Variants in SPATA13 observed in about 807,000 individuals in gnomAD.
SPATA13 encodes the protein spermatogenesis associated 13, also known as spermatogenesis-associated protein 13.
Under a neutral mutation model 104.0 loss-of-function variants are expected in SPATA13, and 50 were observed. The ratio of observed to expected loss-of-function variants is 0.48; its 90% CI spans 0.38 to 0.61. SPATA13 has a LOEUF of 0.61. Ranked by LOEUF, SPATA13 falls within the 20% of genes least tolerant of loss-of-function variation. The pLI is 0.00. For missense variants in SPATA13, 1,524 were observed against 1,690.6 expected (o/e 0.90, Z 1.73); for synonymous variants, 606 against 667.5 (o/e 0.91, Z 1.42).
intron 3 of SPATA13, among the ~76,000 whole-genome samples, chr13:24,071,469 A>G (rs191531940): frequency 6.6e-6 from 1 of 152,120 alleles, no homozygotes; most frequent in Non-Finnish European, 1.5e-5. Context: ...AGTGGGTCTG[A>G]TTGTAATTTA....
intron 1 of SPATA13, among the ~76,000 whole-genome samples, chr13:24,176,662 A>G (rs1868452734): frequency 6.6e-6 from 1 of 152,160 alleles, no homozygotes; most frequent in Non-Finnish European, 1.5e-5. Flanking sequence ...TGTTTCATTG[A>G]ATTTACTGTG....
chr13:24,110,659 G>A (rs1020362897), intron 3 of SPATA13, among the ~76,000 whole-genome samples: 2 of 152,166 alleles, frequency 1.3e-5, no homozygotes, highest in Admixed American at 6.5e-5. Context: ...TAGATCCTGC[G>A]GACACAGAAA....
intron 1 of SPATA13, among the ~76,000 whole-genome samples, chr13:24,164,675 G>GTGGC (rs988719080): frequency 2.0e-5 from 3 of 152,212 alleles, no homozygotes; most frequent in African/African-American, 7.2e-5. Flanking sequence ...CCCATAGTAA[G>GTGGC]TGGCAAGACT....
rs1477375899 is a variant in SPATA13, at chr13:24,224,385, A to C, written c.1456A>C (p.Ser486Arg). 1 of 1,551,564 alleles carries C rather than the reference A, an allele frequency of 6.4e-7. No individual in the cohort carries two copies. Among genetic ancestry groups the C allele is most frequent in the Admixed American group, 2.0e-5 (1 of 50,984 alleles). ...SPQSPGAGSA[S>R]CHSNHSALSA... ...CCAGAGCCCCGGGGCAGGAAGTGCC[A>C]GCTGTCACAGCAATCACAGTGCCCT... is the stretch of plus-strand genomic sequence containing the variant. Residue 486 changes from serine (S) to arginine (R), a missense_variant, in exon 2 of 13, where the codon AGC (serine) becomes CGC (arginine). By Grantham distance (110) the Ser-to-Arg change is moderately radical (BLOSUM62 -1). Coordinates refer to ENST00000382108, the MANE Select transcript of SPATA13 (RefSeq NM_001166271.3).
chr13:24,174,467 A>G (rs1883135358), intron 1 of SPATA13, among the ~76,000 whole-genome samples: 1 of 151,926 alleles, frequency 6.6e-6, no homozygotes, highest in Non-Finnish European at 1.5e-5. Context: ...ATTTCGTGCT[A>G]TCAGTTTCCC....
Position 24,289,019 on chromosome 13 carries a change from C to T in SPATA13, c.2688C>T (p.Arg896=). Residue 896 remains arginine (R), a synonymous_variant, in exon 8 of 13, where the codon CGC becomes CGT. Transcript: ENST00000382108. The part of the protein sequence containing the change: ...DICEGYIRQC[R]KHTGMFTVAQ... The stretch of plus-strand genomic sequence containing the variant: ...TGCAGGGCTATATCCGACAGTGCCG[C>T]AAGCACACAGGAATGTTCACCGTTG... 2 of 1,609,610 alleles carry T rather than the reference C, an allele frequency of 1.2e-6. No individual in the cohort carries two copies. Among genetic ancestry groups the T allele is most frequent in the Non-Finnish European group, 1.7e-6 (2 of 1,178,786 alleles).
intron 2 of SPATA13, among the ~76,000 whole-genome samples, chr13:23,994,664 G>T (rs1875590947): frequency 6.6e-6 from 1 of 152,212 alleles, no homozygotes. Flanking sequence ...ATGAAGGTGA[G>T]AAAAGACTAA....
intron 2 of SPATA13, among the ~76,000 whole-genome samples, chr13:23,996,934 T>C (rs144217709): frequency 5.3e-5 from 8 of 152,308 alleles, no homozygotes; most frequent in Non-Finnish European, 8.8e-5. Flanking sequence ...TCAGATCATC[T>C]TGGAGGCAGG....
At chr13:24,194,893 G>T (rs1045506878) in intron 1 of SPATA13, among the ~76,000 whole-genome samples, 3 of 152,324 alleles carry the variant, frequency 2.0e-5, no homozygotes, top group East Asian at 3.9e-4. Context: ...AGTGAATCTT[G>T]TAAGGATGAA....
chr13:24,216,112 G>A (rs1025613168), intron 1 of SPATA13, among the ~76,000 whole-genome samples: 7 of 152,194 alleles, frequency 4.6e-5, no homozygotes, highest in Non-Finnish European at 1.0e-4. Context: ...TGGAGGAAGA[G>A]GAGCTCAGAG....
chr13:24,303,133 C>T lies in SPATA13; in HGVS notation c.*360C>T, dbSNP rs1272954573. ...CCTGCTGCAGGTCCAAACACAGCAT[C>T]CAGGGCTTTGCAGTTCCTAAGGAGT... On this transcript the variant is annotated 3_prime_UTR_variant, in exon 13 of 13. Coordinates refer to ENST00000382108, the MANE Select transcript of SPATA13 (RefSeq NM_001166271.3). 7.9e-6 allele frequency: 3 copies of T among 378,834 alleles called. No individual in the cohort carries two copies. Among genetic ancestry groups the T allele is most frequent in the Middle Eastern group, 3.7e-4 (1 of 2,736 alleles). The allele number at this position is 378,834 out of a possible 1,614,324, so 23.5% of individuals were successfully genotyped here.
chr13:24,281,552 G>T (rs570700557), intron 4 of SPATA13, among the ~76,000 whole-genome samples: 1 of 152,310 alleles, frequency 6.6e-6, no homozygotes, highest in African/African-American at 2.4e-5. Context: ...TCAATGTGGC[G>T]TGTGCTGTCA....
At position 24,223,582 on chromosome 13, in the gene SPATA13, C is replaced by T; in HGVS notation, c.653C>T (p.Pro218Leu). 6.4e-7 allele frequency: 1 copy of T among 1,550,478 alleles called. No individual in the cohort carries two copies. Among genetic ancestry groups the T allele is most frequent in the Non-Finnish European group, 8.7e-7 (1 of 1,147,014 alleles). ...GGCCGCATCTGCCTGCTGGATGCGC[C>T]CCAGAACCATGCGACACCCACGATA... ...GLGRICLLDA[P>L]QNHATPTIAT... is the part of the protein sequence containing the mutation. The change falls in exon 2 of 13, where the codon CCC (proline) becomes CTC (leucine). Residue 218 changes from proline to leucine, a missense_variant. By Grantham distance (98) the Pro-to-Leu change is moderately conservative. Around this residue, in one of 2 missense-constraint regions of SPATA13, gnomAD observed 1,089 missense variants for 1,135.9 expected, o/e 0.96. Coordinates refer to ENST00000382108, the MANE Select transcript of SPATA13 (RefSeq NM_001166271.3).
At chr13:24,048,840 C>T (rs1952100) in intron 3 of SPATA13, among the ~76,000 whole-genome samples, 70,747 of 151,980 alleles carry the variant, frequency 0.47, 18,579 homozygotes, top group East Asian at 0.64. Flanking sequence ...GCAAATTTAT[C>T]GCATCCAGGA....
chr13:24,188,444 C>T (rs770482917), intron 1 of SPATA13, among the ~76,000 whole-genome samples: 1 of 152,166 alleles, frequency 6.6e-6, no homozygotes, highest in Admixed American at 6.5e-5. Context: ...AGATAGAGAT[C>T]AAACTGGCCA....
At chr13:24,186,312 G>A (rs1869146812) in intron 1 of SPATA13, among the ~76,000 whole-genome samples, 1 of 152,182 alleles carries the variant, frequency 6.6e-6, no homozygotes, top group Non-Finnish European at 1.5e-5. Flanking sequence ...ATAGCTACAG[G>A]AAAATTGGAT....
At chr13:24,002,821 C>A (rs1876041735) in intron 2 of SPATA13, among the ~76,000 whole-genome samples, 1 of 152,208 alleles carries the variant, frequency 6.6e-6, no homozygotes, top group African/African-American at 2.4e-5. Flanking sequence ...TAGAACCCAT[C>A]CAGCTCTGTC....
intron 1 of SPATA13, among the ~76,000 whole-genome samples, chr13:24,213,995 G>A (rs1180184701): frequency 6.6e-6 from 1 of 152,186 alleles, no homozygotes; most frequent in Non-Finnish European, 1.5e-5. Flanking sequence ...TGAAATAATG[G>A]CATTTTATAT....
In SPATA13 at chr13:24,182,361, C is replaced by T. The variant is rs1028787683; in HGVS notation, c.-112+21429C>T. Among the ~76,000 whole-genome samples the T allele has an allele frequency of 8.5e-5, 13 of 152,192 alleles. 2 individuals are homozygous for T. Among genetic ancestry groups the T allele is most frequent in the Admixed American group, 5.2e-4 (8 of 15,278 alleles). ...AAAGAAAAGAGGTTAAATTGGCTCA[C>T]GGTTCTGCAGGCTGTACAGGAAACA... On this transcript the variant is annotated intron_variant, in intron 1 of 12. Coordinates refer to ENST00000382108, the MANE Select transcript of SPATA13 (RefSeq NM_001166271.3).
Sources: gnomAD v4.1 joint callset for allele counts (sites outside exome capture counted in the v4.1 genomes callset) on GRCh38, gnomAD v4.1.1 for gene constraint, gnomAD v4.1.1 regional missense constraint, MANE v1.5 for transcripts, NCBI Gene and HGNC (gene_info 2026-07-23, HGNC 2026-07-21) for gene names.